Variants in FOXP1 observed in about 807,000 individuals in gnomAD.
FOXP1 encodes the protein forkhead box P1.
FOXP1 carries 15 observed loss-of-function variants against 98.2 expected under a neutral mutation model. That is an observed-to-expected ratio of 0.15 (90% CI 0.10 to 0.24). The LOEUF (loss-of-function observed/expected upper bound fraction) is 0.24, where lower values mean the gene tolerates loss of function less well. Ranked by LOEUF, FOXP1 falls within the 10% of genes least tolerant of loss-of-function variation. The pLI, the probability that FOXP1 is intolerant of heterozygous loss-of-function variation, is 1.00. For missense variants in FOXP1, 633 were observed against 848.5 expected, an observed-to-expected ratio of 0.75 and a Z score of 3.15; for synonymous variants, 371 against 314.5, an observed-to-expected ratio of 1.18 and a Z score of -1.90.
chr3:71,201,753 T>C (rs1439601133), intron 5 of FOXP1, among the ~76,000 whole-genome samples: 1 of 152,228 alleles, frequency 6.6e-6, no homozygotes, highest in Admixed American at 6.5e-5. Flanking sequence ...TATCGGGATA[T>C]ATCTCAAATA....
chr3:71,074,387 C>T (rs1352933702), intron 7 of FOXP1, among the ~76,000 whole-genome samples: 12 of 152,140 alleles, frequency 7.9e-5, no homozygotes, highest in South Asian at 4.1e-4. Flanking sequence ...CCTCCACGCC[C>T]GGCTAATTTT....
chr3:71,053,676 T>C lies in FOXP1; in HGVS notation c.380A>G (p.Gln127Arg), dbSNP rs1395138411. 5 of 1,614,054 alleles carry C rather than the reference T, an allele frequency of 3.1e-6. No homozygotes were observed. The highest frequency in any genetic ancestry group is 1.1e-5 in the South Asian group (1 of 91,078). ...QQQVLSPQQL[Q>R]VLLQQQQALM... ...GGCCTGCTGCTGCTGGAGGAGAACC[T>C]GGAGCTGCTGAGGGCTCAGCACTTG... is the stretch of plus-strand genomic sequence containing the variant. Residue 127 changes from glutamine to arginine, a missense_variant, in exon 8 of 21, where the codon CAG becomes CGG. Physicochemically the swap from Gln to Arg is conservative, Grantham distance 43 (BLOSUM62 1). This residue lies in a region of FOXP1 where 210 missense variants were observed against 270.6 expected (regional missense o/e 0.78). Coordinates refer to ENST00000649528, the MANE Select transcript of FOXP1 (RefSeq NM_001349338.3).
chr3:71,319,908 G>A (rs1386187302), intron 4 of FOXP1, among the ~76,000 whole-genome samples: 1 of 152,030 alleles, frequency 6.6e-6, no homozygotes, highest in Admixed American at 6.6e-5. Flanking sequence ...AAACACTCTG[G>A]AGGCACATTT....
At chr3:71,298,443 C>T (rs1227949081) in intron 5 of FOXP1, among the ~76,000 whole-genome samples, 1 of 151,128 alleles carries the variant, frequency 6.6e-6, no homozygotes, top group Non-Finnish European at 1.5e-5. Flanking sequence ...CCAGCCTGGG[C>T]AACAGAGCGA....
rs2032405756 is a variant in FOXP1 at position 70,958,527 on chromosome 3, C to A, written c.*720G>T. The A allele has an allele frequency of 3.1e-6, 1 of 318,954 alleles. No homozygotes were observed. Among genetic ancestry groups the A allele is most frequent in the Admixed American group, 4.2e-5 (1 of 23,678 alleles). 19.8% of individuals were successfully genotyped at this position (318,954 alleles called of 1,614,324 possible). A position where few individuals can be genotyped will look rare whatever the true frequency, so the allele number is the denominator to read the frequency against. On this transcript the variant is annotated 3_prime_UTR_variant, in exon 21 of 21. Transcript: ENST00000649528. ...GACATTCAGCTTTGTATAATAAAAA[C>A]ACCTATTAACATTCATCACAAGGTA...
At chr3:71,455,038 T>C (rs1045998893) in intron 3 of FOXP1, among the ~76,000 whole-genome samples, 1 of 152,194 alleles carries the variant, frequency 6.6e-6, no homozygotes, top group Admixed American at 6.5e-5. Flanking sequence ...GCTTTGTATA[T>C]GCCCTAAAGT....
chr3:71,534,554 A>G (rs1172362476), intron 2 of FOXP1, among the ~76,000 whole-genome samples: 2 of 152,236 alleles, frequency 1.3e-5, no homozygotes, highest in Non-Finnish European at 2.9e-5. Flanking sequence ...AAACAGCCCA[A>G]TATCTTCCTC....
At chr3:71,306,709 A>G (rs2074310272) in intron 4 of FOXP1, among the ~76,000 whole-genome samples, 1 of 147,768 alleles carries the variant, frequency 6.8e-6, no homozygotes, top group Non-Finnish European at 1.5e-5. Flanking sequence ...AAATAATTCG[A>G]GTTTTCCAAA....
At chr3:71,571,893 T>A (rs2047367524) in intron 2 of FOXP1, 1 of 152,222 alleles carries the variant, frequency 6.6e-6, no homozygotes, top group South Asian at 2.1e-4. Context: ...ATGCAGCAAG[T>A]TTGATAACAG....
chr3:71,244,158 G>C (rs1054624170), intron 5 of FOXP1, among the ~76,000 whole-genome samples: 1 of 152,108 alleles, frequency 6.6e-6, no homozygotes, highest in Non-Finnish European at 1.5e-5. Context: ...CCCCAGTTTG[G>C]TAATAAAATG....
At chr3:71,453,939 T>G (rs904420372) in intron 3 of FOXP1, among the ~76,000 whole-genome samples, 1 of 152,222 alleles carries the variant, frequency 6.6e-6, no homozygotes, top group Non-Finnish European at 1.5e-5. Context: ...CTTAAGACAA[T>G]GAACACATCA....
At chr3:71,279,283 A>T (rs2071260715) in intron 5 of FOXP1, among the ~76,000 whole-genome samples, 1 of 152,166 alleles carries the variant, frequency 6.6e-6, no homozygotes, top group South Asian at 2.1e-4. Context: ...ATGTTTATCA[A>T]ATTTAAATAC....
chr3:71,238,827 G>A, intron 5 of FOXP1, among the ~76,000 whole-genome samples: 1 of 152,166 alleles, frequency 6.6e-6, no homozygotes, highest in East Asian at 1.9e-4. Context: ...GAGGGACCCG[G>A]GAAGAGGAGG....
chr3:71,308,560 C>A (rs1358869423), intron 4 of FOXP1, among the ~76,000 whole-genome samples: 2 of 152,130 alleles, frequency 1.3e-5, no homozygotes, highest in African/African-American at 2.4e-5. Flanking sequence ...AAGGTTAGGA[C>A]TGTAAGTTTC....
intron 3 of FOXP1, among the ~76,000 whole-genome samples, chr3:71,434,274 C>A (rs1029739833): frequency 2.0e-5 from 3 of 147,096 alleles, no homozygotes; most frequent in Non-Finnish European, 4.4e-5. Context: ...GATCCTAGAG[C>A]CCCCCCGAAG....
At chr3:71,554,342 G>A (rs1387075119) in intron 2 of FOXP1, among the ~76,000 whole-genome samples, 1 of 152,006 alleles carries the variant, frequency 6.6e-6, no homozygotes, top group Non-Finnish European at 1.5e-5. Context: ...GACAGAGGGG[G>A]ACTCTGTCTC....
At chr3:71,538,375 G>A (rs1332551149) in intron 2 of FOXP1, among the ~76,000 whole-genome samples, 1 of 152,184 alleles carries the variant, frequency 6.6e-6, no homozygotes, top group Non-Finnish European at 1.5e-5. Flanking sequence ...GTGTCTTAAT[G>A]GATTTGCCAG....
intron 3 of FOXP1, among the ~76,000 whole-genome samples, chr3:71,434,196 A>G (rs1011208409): frequency 2.0e-5 from 3 of 152,230 alleles, no homozygotes; most frequent in African/African-American, 7.2e-5. Context: ...TCCAAAGATA[A>G]GGAGCTCTGA....
chr3:71,336,390 T>G (rs968659795), intron 4 of FOXP1, among the ~76,000 whole-genome samples: 10 of 152,196 alleles, frequency 6.6e-5, no homozygotes, highest in Admixed American at 2.0e-4. Context: ...AAGCCCCACA[T>G]GCATTAGGTA....
Sources: gnomAD v4.1 joint callset for allele counts (sites outside exome capture counted in the v4.1 genomes callset) on GRCh38, gnomAD v4.1.1 for gene constraint, gnomAD v4.1.1 regional missense constraint, MANE v1.5 for transcripts, NCBI Gene and HGNC (gene_info 2026-07-23, HGNC 2026-07-21) for gene names.